Variants in CIC observed in about 807,000 individuals in gnomAD.
CIC encodes protein capicua homolog.
In CIC, 18 loss-of-function variants were observed where a neutral mutation model predicts 115.7. The observed-to-expected ratio is 0.16, with a 90% CI of 0.11 to 0.23. CIC has a LOEUF of 0.23. CIC is among the 10% of genes least tolerant of loss of function. The pLI, the probability that CIC is intolerant of heterozygous loss-of-function variation, is 1.00. For missense variants in CIC, 2,000 were observed against 2,159.3 expected, an observed-to-expected ratio of 0.93 and a Z score of 1.46; for synonymous variants, 1,076 against 923.0, an observed-to-expected ratio of 1.17 and a Z score of -3.01.
chr19:42,291,592 G>A lies in CIC; in HGVS notation c.5460G>A (p.Pro1820=), dbSNP rs371384770. ...TTTCTCCCGTGCAGGCCCCGCCCCCGGGTGGCTCAGCCCAGCTGCTGCCTG... is the reference window on the plus strand; with the variant it reads ...TTTCTCCCGTGCAGGCCCCGCCCCCAGGTGGCTCAGCCCAGCTGCTGCCTG... ...QSVSPVQAPP[P]GGSAQLLPGK... Residue 1820 remains proline (P), a synonymous_variant, in exon 12 of 21, where the codon CCG becomes CCA. Transcript: ENST00000681038. 72 of 1,612,950 alleles carry A rather than the reference G, an allele frequency of 4.5e-5. No individual in the cohort carries two copies. The Admixed American group carries it at 8.2e-4, about 18-fold the overall frequency.
rs373041068 is a variant in CIC at position 42,290,849 on chromosome 19, C to G, written c.4808C>G (p.Ser1603Cys). ...ATCGCCTCTAAGCCCTTCCCCACCT[C>G]TGGCCGGGCTGAGGCGTCTCCAAAT... ...VPIASKPFPT[S>C]GRAEASPNDT... Residue 1603 changes from serine (S) to cysteine (C), a missense_variant, in exon 11 of 21, where the codon TCT becomes TGT. This residue lies in a region of CIC where 1,466 missense variants were observed against 1,390.4 expected (regional missense o/e 1.05). Coordinates refer to ENST00000681038, the MANE Select transcript of CIC (RefSeq NM_001386298.1). 1.9e-6 allele frequency: 3 copies of G among 1,610,904 alleles called. No individual in the cohort carries two copies. Among genetic ancestry groups the G allele is most frequent in the Non-Finnish European group, 2.5e-6 (3 of 1,178,850 alleles).
At chr19:42,286,738 C>T (rs566991254) in intron 2 of CIC, 33 bp from the exon 3 acceptor site, 4 of 1,613,396 alleles carry the variant, frequency 2.5e-6, no homozygotes, top group South Asian at 2.2e-5. Flanking sequence ...CCAGGCTCTC[C>T]TGCTGCACAG....
rs2038399936 is a variant in CIC at position 42,294,819 on chromosome 19, T to G, written c.7187-5T>G. On this transcript the variant is annotated splice_region_variant and splice_polypyrimidine_tract_variant and intron_variant, in intron 20 of 20. Transcript: ENST00000681038. ...CTGTGCTCCCCACCGTTTTTCTATC[T>G]CCAGCCCAGGCCACAGCCGCCTTCC... 1 of 1,603,590 alleles carries G rather than the reference T, an allele frequency of 6.2e-7. No homozygotes were observed. Among genetic ancestry groups the G allele is most frequent in the Admixed American group, 1.7e-5 (1 of 60,004 alleles).
chr19:42,288,505 TTCTGTG>T (rs2037827368), intron 7 of CIC, among the ~76,000 whole-genome samples: 1 of 152,128 alleles, frequency 6.6e-6, no homozygotes, highest in African/African-American at 2.4e-5. Context: ...GGTATGGCAG[TTCTGTG>T]AGGTTAGATG....
chr19:42,292,166 C>T lies in CIC; in HGVS notation c.5694C>T (p.Pro1898=). Residue 1898 remains proline (P), a synonymous_variant, in exon 13 of 21, where the codon CCC becomes CCT. Transcript: ENST00000681038. ...PPLSPATLPG[P]TSQPQKVLLP... ...TGAGCCCAGCCACACTCCCTGGACC[C>T]ACCTCTCAGCCTCAGAAGGTCCTGT... is the stretch of plus-strand genomic sequence containing the variant. 6.2e-7 allele frequency: 1 copy of T among 1,614,036 alleles called. No individual in the cohort carries two copies. The highest frequency in any genetic ancestry group is 8.5e-7 in the Non-Finnish European group (1 of 1,180,026).
intron 7 of CIC, 129 bp downstream of exon 7, chr19:42,288,104 AT>A: frequency 9.7e-7 from 1 of 1,035,898 alleles, no homozygotes; most frequent in East Asian, 2.7e-5. Context: ...GGCGACCCTT[AT>A]CCGTAAAGGA....
chr19:42,281,306 G>T (rs1377788812), intron 2 of CIC, among the ~76,000 whole-genome samples: 2 of 152,192 alleles, frequency 1.3e-5, no homozygotes, highest in African/African-American at 4.8e-5. Flanking sequence ...TTTAGAGTGC[G>T]CGTCTGCCTG....
chr19:42,288,976 G>C lies in CIC; in HGVS notation c.3747G>C (p.Arg1249=), dbSNP rs1568508404. 3.7e-6 allele frequency: 6 copies of C among 1,614,020 alleles called. No homozygotes were observed. The highest frequency in any genetic ancestry group is 4.2e-6 in the Non-Finnish European group (5 of 1,180,040). ...GGAGCAGCTCCTGTGGGGCAGAACGGCTACACACAGTTGGGGGACCTGGCT... is the reference window on the plus strand; with the variant it reads ...GGAGCAGCTCCTGTGGGGCAGAACGCCTACACACAGTTGGGGGACCTGGCT... The part of the protein sequence containing the change: ...APGSSSCGAE[R]LHTVGGPGSA... The change falls in exon 8 of 21, where the codon CGG becomes CGC. Residue 1249 remains arginine, a synonymous_variant. Coordinates refer to ENST00000681038, the MANE Select transcript of CIC (RefSeq NM_001386298.1).
In CIC at chr19:42,293,626, G is replaced by C. The variant is rs778127638; in HGVS notation, c.6557G>C (p.Arg2186Pro). Residue 2186 changes from arginine (R) to proline (P), a missense_variant, in exon 17 of 21, where the codon CGC (arginine) becomes CCC (proline). Physicochemically the swap from Arg to Pro is moderately radical, Grantham distance 103. Around this residue, in one of 8 missense-constraint regions of CIC, gnomAD observed 1,466 missense variants for 1,390.4 expected, o/e 1.05. Coordinates refer to ENST00000681038, the MANE Select transcript of CIC (RefSeq NM_001386298.1). Reference sequence around the variant, plus strand: ...TTCCCCAGCTCATCTTCAGACTGGCGCGTCCCTGGGCAGGGCCTGGAGAAT... The same window carrying C: ...TTCCCCAGCTCATCTTCAGACTGGCCCGTCCCTGGGCAGGGCCTGGAGAAT... ...SKFPSSSSDW[R>P]VPGQGLENRG... The C allele has an allele frequency of 6.2e-7, 1 of 1,613,574 alleles. No individual in the cohort carries two copies. The highest frequency in any genetic ancestry group is 8.5e-7 in the Non-Finnish European group (1 of 1,179,980).
chr19:42,284,382 A>T (rs1487798142), intron 2 of CIC: 1 of 142,890 alleles, frequency 7.0e-6, no homozygotes, highest in Non-Finnish European at 1.5e-5. Flanking sequence ...GAGGAGGGAG[A>T]GGGAGGGGGC....
chr19:42,292,929 C>T lies in CIC; in HGVS notation c.6197-27C>T, dbSNP rs753080575. 14 of 1,613,828 alleles carry T rather than the reference C, an allele frequency of 8.7e-6. No homozygotes were observed. In the Admixed American group the frequency reaches 2.2e-4, roughly 25 times the overall value. On this transcript the variant is annotated intron_variant, in intron 15 of 20. Transcript: ENST00000681038. Reference sequence around the variant, plus strand: ...GGGGATGGGCTCCAGTCAGGCCTGGCTCAGCAAACAATTTTCTCCCCACTA... The same window carrying T: ...GGGGATGGGCTCCAGTCAGGCCTGGTTCAGCAAACAATTTTCTCCCCACTA...
chr19:42,294,962 C>T lies in CIC; in HGVS notation c.7325C>T (p.Ala2442Val). 1 of 1,600,300 alleles carries T rather than the reference C, an allele frequency of 6.2e-7. No homozygotes were observed. Among genetic ancestry groups the T allele is most frequent in the Non-Finnish European group, 8.5e-7 (1 of 1,179,904 alleles). ...ACGGAGCAGCCCCCTGGAGCTGAGG[C>T]TCCTCTCCCTGTACCGCCCCCCACT... The part of the protein sequence containing the change: ...TPTEQPPGAE[A>V]PLPVPPPTGT... The change falls in exon 21 of 21, where the codon GCT becomes GTT. Residue 2442 changes from alanine (A) to valine (V), a missense_variant. By Grantham distance (64) the Ala-to-Val change is moderately conservative. Around this residue, in one of 8 missense-constraint regions of CIC, gnomAD observed 133 missense variants for 116.0 expected, o/e 1.15. Coordinates refer to ENST00000681038, the MANE Select transcript of CIC (RefSeq NM_001386298.1).
rs1246217204 is a variant in CIC, at chr19:42,289,338, G to A, written c.4019G>A (p.Ser1340Asn). Residue 1340 changes from serine (S) to asparagine (N), a missense_variant, in exon 9 of 21, where the codon AGT (serine) becomes AAT (asparagine). This residue lies in a region of CIC where 1,466 missense variants were observed against 1,390.4 expected (regional missense o/e 1.05). Coordinates refer to ENST00000681038, the MANE Select transcript of CIC (RefSeq NM_001386298.1). ...GCTTCTCGTTCTCAGCGTGCGGCCA[G>A]TGAGGACATGACGAGTGATGAGGAG... ...TRASRSQRAA[S>N]EDMTSDEERM... 1.2e-6 allele frequency: 2 copies of A among 1,613,766 alleles called. No homozygotes were observed. The highest frequency in any genetic ancestry group is 1.7e-6 in the Non-Finnish European group (2 of 1,179,866).
At chr19:42,291,973 C>A (rs1418930713) in intron 12 of CIC, 113 bp from the exon 13 acceptor site, 22 of 1,514,636 alleles carry the variant, frequency 1.5e-5, no homozygotes, top group Middle Eastern at 2.2e-4. Context: ...CTGTTCTCAC[C>A]CCAAGTTCTG....
Position 42,270,842 on chromosome 19 carries a change from CGTGTGT to C in CIC, c.-10-925_-10-920del, listed in dbSNP as rs139464803. On this transcript the variant is annotated intron_variant, in intron 1 of 20. Coordinates refer to ENST00000681038, the MANE Select transcript of CIC (RefSeq NM_001386298.1). This position sits in a 1 kb window ranked among gnomAD's most constrained non-coding sequence, Gnocchi z 4.1. The stretch of plus-strand genomic sequence containing the variant: ...GTGATGACGTGTGCGTGCTTCTGTG[CGTGTGT>C]GTGTGTTTGTGCGCGTGCGTGTGCT... Among the ~76,000 whole-genome samples, 5 of 152,030 alleles carry C rather than the reference CGTGTGT, an allele frequency of 3.3e-5. No homozygotes were observed. The highest frequency in any genetic ancestry group is 5.9e-5 in the Non-Finnish European group (4 of 67,962).
chr19:42,292,513 G>C (rs1419352226), intron 14 of CIC, 47 bp downstream of exon 14: 1 of 1,611,516 alleles, frequency 6.2e-7, no homozygotes, highest in Admixed American at 1.7e-5. Context: ...GGGTGGGGCT[G>C]AGGCAGTCCG....
intron 2 of CIC, among the ~76,000 whole-genome samples, chr19:42,285,364 C>A (rs1490111056): frequency 6.6e-6 from 1 of 152,162 alleles, no homozygotes; most frequent in East Asian, 1.9e-4. Context: ...AAGAGAGGCA[C>A]AGGTCTAAGT....
rs200524562 is a variant in CIC at position 42,293,925 on chromosome 19, G to T, written c.6768-10G>T. 8 of 1,612,694 alleles carry T rather than the reference G, an allele frequency of 5.0e-6. No homozygotes were observed. The highest frequency in any genetic ancestry group is 6.8e-6 in the Non-Finnish European group (8 of 1,179,954). ...CTGAGGCGGGGGAGGTGACCCTGCC[G>T]GCCCTCCAGCAGGGTCCTGTCAGAA... On this transcript the variant is annotated splice_polypyrimidine_tract_variant and intron_variant, in intron 17 of 20. Coordinates refer to ENST00000681038, the MANE Select transcript of CIC (RefSeq NM_001386298.1).
intron 2 of CIC, chr19:42,284,013 AGGGGCGGGGG>A (rs2147122918): frequency 8.7e-6 from 1 of 115,246 alleles, no homozygotes; most frequent in Non-Finnish European, 1.9e-5. Flanking sequence ...GAAGCGGGGA[AGGGGCGGGGG>A]GAGGCGCGGC....
Sources: allele counts gnomAD v4.1 joint callset (sites outside exome capture counted in the v4.1 genomes callset), GRCh38; gene constraint gnomAD v4.1.1; regional missense constraint gnomAD v4.1.1; non-coding constraint Gnocchi (gnomAD v3.1); transcripts MANE v1.5; gene names NCBI Gene and HGNC (gene_info 2026-07-23, HGNC 2026-07-21).